RAD51B: variants seen among roughly 807,000 people sequenced by gnomAD.
RAD51B encodes DNA repair protein RAD51 homolog 2.
A neutral mutation model predicts 42.2 loss-of-function variants in RAD51B; 38 were observed. The observed-to-expected ratio is 0.90, with a 90% CI of 0.70 to 1.18. RAD51B has a LOEUF of 1.18. Ranked by LOEUF, RAD51B falls within the 50% of genes most tolerant of loss-of-function variation. The pLI is 0.00. For synonymous variants in RAD51B, 154 were observed against 145.2 expected (o/e 1.06, Z -0.43); for missense variants, 373 against 400.7 (o/e 0.93, Z 0.59).
At chr14:68,362,914 CTA>C (rs145070957) in intron 8 of RAD51B, among the ~76,000 whole-genome samples, 2,212 of 152,108 alleles carry the variant, frequency 0.015, 50 homozygotes, top group African/African-American at 0.051. Context: ...ACTTTTATCT[CTA>C]GTTTGAATGA....
At chr14:68,279,427 G>A (rs1020244184) in intron 7 of RAD51B, among the ~76,000 whole-genome samples, 1 of 152,130 alleles carries the variant, frequency 6.6e-6, no homozygotes, top group African/African-American at 2.4e-5. Context: ...CAGCTTCTGT[G>A]TCCCTTTTTT....
chr14:68,607,331 C>A (rs1170656398), intron 10 of RAD51B, among the ~76,000 whole-genome samples: 1 of 152,208 alleles, frequency 6.6e-6, no homozygotes, highest in Non-Finnish European at 1.5e-5. Context: ...TTGTCCCAAT[C>A]CTGAGAGTAT....
intron 7 of RAD51B, among the ~76,000 whole-genome samples, chr14:68,273,289 TTG>T (rs920547975): frequency 6.6e-6 from 1 of 152,184 alleles, no homozygotes; most frequent in African/African-American, 2.4e-5. Context: ...AAGGTGTTTT[TTG>T]CCTGGTGATC....
intron 10 of RAD51B, among the ~76,000 whole-genome samples, chr14:68,633,692 G>A (rs980516691): frequency 6.6e-6 from 1 of 152,276 alleles, no homozygotes; most frequent in African/African-American, 2.4e-5. Context: ...CCACCAGCCA[G>A]GGCGATCCTG....
chr14:68,416,659 TG>T (rs2084568622), intron 9 of RAD51B, among the ~76,000 whole-genome samples: 1 of 152,232 alleles, frequency 6.6e-6, no homozygotes, highest in Admixed American at 6.5e-5. Context: ...CATCAAACCT[TG>T]ACAATTATAA....
intron 10 of RAD51B, among the ~76,000 whole-genome samples, chr14:68,554,166 C>T (rs1177233168): frequency 6.6e-6 from 1 of 152,128 alleles, no homozygotes; most frequent in Non-Finnish European, 1.5e-5. Context: ...GGCTCCAGAC[C>T]AGCTCCAAGG....
At chr14:68,037,698 C>T (rs1317131781) in intron 7 of RAD51B, among the ~76,000 whole-genome samples, 1 of 152,178 alleles carries the variant, frequency 6.6e-6, no homozygotes, top group African/African-American at 2.4e-5. Flanking sequence ...CGTGTGCCTC[C>T]AACATCTCCA....
At chr14:67,835,314 G>A in intron 4 of RAD51B, 118 bp downstream of exon 4, 1 of 767,736 alleles carries the variant, frequency 1.3e-6, no homozygotes, top group Non-Finnish European at 2.2e-6. Flanking sequence ...TAAATTATAA[G>A]TACTTCAAGG....
chr14:68,422,222 G>A, intron 9 of RAD51B: 1 of 969,982 alleles, frequency 1.0e-6, no homozygotes, highest in Non-Finnish European at 1.7e-6. Context: ...GTTTTCCTCA[G>A]CGGTGGCGTC....
At chr14:68,342,489 G>C (rs969128447) in intron 8 of RAD51B, among the ~76,000 whole-genome samples, 1 of 152,148 alleles carries the variant, frequency 6.6e-6, no homozygotes, top group Non-Finnish European at 1.5e-5. Context: ...ATAGAGGGAC[G>C]GGACAGGGGG....
chr14:68,433,325 A>G (rs2085062459), intron 9 of RAD51B, among the ~76,000 whole-genome samples: 1 of 152,106 alleles, frequency 6.6e-6, no homozygotes, highest in Admixed American at 6.5e-5. Context: ...TCTCCTGGGT[A>G]ATATCCTGCA....
chr14:68,450,408 G>A (rs1230720613), intron 9 of RAD51B, among the ~76,000 whole-genome samples: 3 of 151,988 alleles, frequency 2.0e-5, no homozygotes, highest in Non-Finnish European at 4.4e-5. Flanking sequence ...TAGTAGAGAC[G>A]GGGTTTCGCC....
intron 10 of RAD51B, among the ~76,000 whole-genome samples, chr14:68,506,596 CTG>C (rs1319466391): frequency 1.3e-5 from 2 of 152,234 alleles, no homozygotes; most frequent in Non-Finnish European, 2.9e-5. Context: ...TCCCCAGCTC[CTG>C]TGTGCTGGAT....
chr14:68,571,061 C>T (rs1298628661), intron 10 of RAD51B, among the ~76,000 whole-genome samples: 1 of 152,166 alleles, frequency 6.6e-6, no homozygotes, highest in African/African-American at 2.4e-5. Context: ...GATCTAACAA[C>T]CCTCCCAGAA....
intron 7 of RAD51B, among the ~76,000 whole-genome samples, chr14:68,188,649 A>G (rs1416167556): frequency 6.6e-6 from 1 of 152,226 alleles, no homozygotes; most frequent in Non-Finnish European, 1.5e-5. Context: ...AACTTGTGAA[A>G]TCAAATGGAA....
chr14:68,657,533 G>A (rs1195301664), intron 11 of RAD51B, among the ~76,000 whole-genome samples: 1 of 152,024 alleles, frequency 6.6e-6, no homozygotes, highest in Non-Finnish European at 1.5e-5. Flanking sequence ...CTGGTGGGGG[G>A]CCAAGGCCCA....
At chr14:68,391,788 G>A (rs2083766742) in intron 8 of RAD51B, among the ~76,000 whole-genome samples, 1 of 152,094 alleles carries the variant, frequency 6.6e-6, no homozygotes, top group Non-Finnish European at 1.5e-5. Context: ...AGGCAGACCA[G>A]GCCAATAGAA....
rs114247575 is a variant in RAD51B at position 68,568,294 on chromosome 14, G to A, written c.1037-26191G>A. Among the ~76,000 whole-genome samples, 420 of 152,348 alleles carry A rather than the reference G, an allele frequency of 2.8e-3. 3 individuals are homozygous for A. The highest frequency in any genetic ancestry group is 9.5e-3 in the African/African-American group (394 of 41,584). On this transcript the variant is annotated intron_variant, in intron 10 of 10. Transcript: ENST00000487270. Reference sequence around the variant, plus strand: ...CTGAAGGATTCATAGGAATTTGCCAGGTAGGTGAGTGGGTGGAGAATATTC... The same window carrying A: ...CTGAAGGATTCATAGGAATTTGCCAAGTAGGTGAGTGGGTGGAGAATATTC...
intron 9 of RAD51B, chr14:68,422,232 C>T: frequency 1.1e-6 from 1 of 880,900 alleles, no homozygotes; most frequent in Non-Finnish European, 1.9e-6. Context: ...GCGGTGGCGT[C>T]CGCAGAGCAC....
Sources: gnomAD v4.1 joint callset for allele counts (sites outside exome capture counted in the v4.1 genomes callset) on GRCh38, gnomAD v4.1.1 for gene constraint, MANE v1.5 for transcripts, NCBI Gene and HGNC (gene_info 2026-07-23, HGNC 2026-07-21) for gene names.